CBX2: variants seen among roughly 807,000 people sequenced by gnomAD.
CBX2 encodes chromobox protein homolog 2.
A neutral mutation model predicts 21.0 loss-of-function variants in CBX2; 11 were observed. That is an observed-to-expected ratio of 0.52 (90% CI 0.33 to 0.87). CBX2 has a LOEUF of 0.87. CBX2 is among the 40% of genes least tolerant of loss of function. The pLI is 0.02. For synonymous variants in CBX2, 364 were observed against 304.6 expected (o/e 1.19, Z -2.03); for missense variants, 746 against 724.3 (o/e 1.03, Z -0.34).
In CBX2 at chr17:79,778,422, C is replaced by A. The variant is rs782673101; in HGVS notation, c.111C>A (p.Ser37=). 8 of 1,559,518 alleles carry A rather than the reference C, an allele frequency of 5.1e-6. No homozygotes were observed. In the African/African-American group the frequency reaches 9.8e-5, roughly 19 times the overall value. Residue 37 remains serine (S), a synonymous_variant, in exon 2 of 5, where the codon TCC becomes TCA. Transcript: ENST00000310942. This position sits in a 1 kb window ranked among gnomAD's most constrained non-coding sequence, Gnocchi z 4.8. ...ACCTGGTCAAGTGGCGCGGCTGGTC[C>A]TCCAAGTGAGTCCCCCGCGACGCCG... ...LEYLVKWRGW[S]SKHNSWEPEE... is the part of the protein sequence containing the mutation.
rs782485538 is a variant in CBX2 at position 79,784,211 on chromosome 17, C to T, written c.768C>T (p.Ile256=). Residue 256 remains isoleucine (I), a synonymous_variant, in exon 5 of 5, where the codon ATC becomes ATT. Coordinates refer to ENST00000310942, the MANE Select transcript of CBX2 (RefSeq NM_005189.3). The surrounding 1 kb of genome is among the most constrained non-coding windows in gnomAD (Gnocchi z 5.9). ...GTGGCATCAGCTGGCAGAGCTCCAT[C>T]GTGCACTACATGAACCGGATGACCC... is the stretch of plus-strand genomic sequence containing the variant. ...GRGGISWQSS[I]VHYMNRMTQS... 14 of 1,612,828 alleles carry T rather than the reference C, an allele frequency of 8.7e-6. No homozygotes were observed. The East Asian group carries it at 8.9e-5, about 10-fold the overall frequency.
At position 79,787,214 on chromosome 17, in the gene CBX2, C is replaced by T. The variant is rs1907698390; in HGVS notation, c.*2172C>T. On this transcript the variant is annotated 3_prime_UTR_variant, in exon 5 of 5. Coordinates refer to ENST00000310942, the MANE Select transcript of CBX2 (RefSeq NM_005189.3). ...GCTGAGCACTGTGCTACCTTCACTG[C>T]TCCAAAGCCAGACTAACAGCTCTCC... The T allele has an allele frequency of 6.6e-6, 1 of 152,474 alleles. No individual in the cohort carries two copies. The highest frequency in any genetic ancestry group is 2.1e-4 in the South Asian group (1 of 4,836). 9.4% of individuals were successfully genotyped at this position (152,474 alleles called of 1,614,324 possible).
At position 79,779,447 on chromosome 17, in the gene CBX2, TGGGGAGGGTGTG is replaced by T; in HGVS notation, c.182+29_182+40del. 1 of 1,534,298 alleles carries T rather than the reference TGGGGAGGGTGTG, an allele frequency of 6.5e-7. No individual in the cohort carries two copies. The highest frequency in any genetic ancestry group is 8.8e-7 in the Non-Finnish European group (1 of 1,141,826). ...GAAGAAGTGAGGACGCTGACAGCAC[TGGGGAGGGTGTG>T]GGGGAGGGACGGTGGCTGGTTGGAG... On this transcript the variant is annotated intron_variant, in intron 3 of 4. Transcript: ENST00000310942.
chr17:79,777,830 C>G (rs1213215940), upstream of CBX2, among the ~76,000 whole-genome samples: 1 of 151,414 alleles, frequency 6.6e-6, no homozygotes, highest in Admixed American at 6.6e-5. Context: ...CAAGGGCGGG[C>G]GCGCCCCGGG....
At chr17:79,781,639 A>G (rs185563278) in intron 3 of CBX2, 57 bp from the exon 4 acceptor site, 11 of 1,465,276 alleles carry the variant, frequency 7.5e-6, no homozygotes, top group East Asian at 2.3e-5. Context: ...AGAGTCCCAC[A>G]TGGTAGAAGG....
intron 2 of CBX2, among the ~76,000 whole-genome samples, chr17:79,779,031 A>G (rs1266007612): frequency 6.6e-6 from 1 of 152,050 alleles, no homozygotes; most frequent in African/African-American, 2.4e-5. Flanking sequence ...GCTCCGGGCC[A>G]GGGTTTGGGG....
rs782198883 is a variant in CBX2 at position 79,779,351 on chromosome 17, C to G, written c.117-11C>G. ...CTGGCGTCTAATGCTGCCCTGTCCT[C>G]TGCTTTGCAGACATAACAGCTGGGA... On this transcript the variant is annotated splice_polypyrimidine_tract_variant and intron_variant, in intron 2 of 4. Transcript: ENST00000310942. 6.2e-7 allele frequency: 1 copy of G among 1,613,400 alleles called. No individual in the cohort carries two copies. Among genetic ancestry groups the G allele is most frequent in the Non-Finnish European group, 8.5e-7 (1 of 1,179,832 alleles).
chr17:79,784,267 C>T lies in CBX2; in HGVS notation c.824C>T (p.Ala275Val), dbSNP rs145409683. 1.4e-5 allele frequency: 23 copies of T among 1,612,796 alleles called. No homozygotes were observed. Among genetic ancestry groups the T allele is most frequent in the Admixed American group, 3.3e-5 (2 of 60,008 alleles). The part of the protein sequence containing the change: ...QSQAQAASRL[A>V]LKAQATNKCG... ...CAGGCCCAGGCTGCCAGCAGGTTGG[C>T]GCTGAAGGCCCAGGCCACCAACAAG... is the stretch of plus-strand genomic sequence containing the variant. Residue 275 changes from alanine to valine, a missense_variant, in exon 5 of 5, where the codon GCG becomes GTG. Transcript: ENST00000310942. The surrounding 1 kb of genome is among the most constrained non-coding windows in gnomAD (Gnocchi z 5.9).
chr17:79,785,413 T>C lies in CBX2; in HGVS notation c.*371T>C. The stretch of plus-strand genomic sequence containing the variant: ...ACTGCTCCTCCCTGGCCTGCGTGAC[T>C]GAATCACAGCTTTGGTCCCTGTCTT... On this transcript the variant is annotated 3_prime_UTR_variant, in exon 5 of 5. Transcript: ENST00000310942. 3.1e-6 allele frequency: 1 copy of C among 317,788 alleles called. No individual in the cohort carries two copies. The highest frequency in any genetic ancestry group is 3.5e-5 in the South Asian group (1 of 28,340). 19.7% of individuals were successfully genotyped at this position (317,788 alleles called of 1,614,324 possible).
chr17:79,778,324 G>A lies in CBX2; in HGVS notation c.72+17G>A, dbSNP rs1405741271. ...CTCCGCAAGGTGCGTGCGGCCCGCC[G>A]GGCCCCCCGCCCGCCGCCCGCTGTC... On this transcript the variant is annotated intron_variant, in intron 1 of 4. Coordinates refer to ENST00000310942, the MANE Select transcript of CBX2 (RefSeq NM_005189.3). The surrounding 1 kb of genome is among the most constrained non-coding windows in gnomAD (Gnocchi z 4.8). The A allele has an allele frequency of 2.6e-6, 4 of 1,563,918 alleles. No homozygotes were observed. Among genetic ancestry groups the A allele is most frequent in the Middle Eastern group, 2.0e-4 (1 of 5,032 alleles).
At chr17:79,781,159 AGG>A (rs1210463752) in intron 3 of CBX2, among the ~76,000 whole-genome samples, 1 of 152,022 alleles carries the variant, frequency 6.6e-6, no homozygotes, top group African/African-American at 2.4e-5. Context: ...AGGAACAGAG[AGG>A]TATTTTTAAA....
At position 79,786,377 on chromosome 17, in the gene CBX2, C is replaced by T. The variant is rs1380981362; in HGVS notation, c.*1335C>T. On this transcript the variant is annotated 3_prime_UTR_variant, in exon 5 of 5. Coordinates refer to ENST00000310942, the MANE Select transcript of CBX2 (RefSeq NM_005189.3). ...TCCAGCTGAAAAACTAGACCTGTGC[C>T]ATTGGGGAAGCTGGACAAAGTCTAG... 3 of 152,680 alleles carry T rather than the reference C, an allele frequency of 2.0e-5. No individual in the cohort carries two copies. The highest frequency in any genetic ancestry group is 4.8e-5 in the African/African-American group (2 of 41,438). The allele number at this position is 152,680 out of a possible 1,614,324, so 9.5% of individuals were successfully genotyped here. A position where few individuals can be genotyped will look rare whatever the true frequency, so the allele number is the denominator to read the frequency against.
chr17:79,780,189 C>T (rs1415486818), intron 3 of CBX2, among the ~76,000 whole-genome samples: 4 of 152,202 alleles, frequency 2.6e-5, no homozygotes, highest in African/African-American at 9.7e-5. Context: ...GACGGCTCCC[C>T]CTGGATCCCC....
rs1328886893 is a variant in CBX2 at position 79,778,853 on chromosome 17, C to T, written c.116+426C>T. On this transcript the variant is annotated intron_variant, in intron 2 of 4. Coordinates refer to ENST00000310942, the MANE Select transcript of CBX2 (RefSeq NM_005189.3). This position sits in a 1 kb window ranked among gnomAD's most constrained non-coding sequence, Gnocchi z 4.8. ...GGGTGTTTGGCATCCCCGGAAGGGG[C>T]TCTCTGCACAGCTGCTCCCGCGGCC... is the stretch of plus-strand genomic sequence containing the variant. Among the ~76,000 whole-genome samples the T allele has an allele frequency of 6.6e-6, 1 of 152,056 alleles. No individual in the cohort carries two copies. The highest frequency in any genetic ancestry group is 1.5e-5 in the Non-Finnish European group (1 of 67,996).
At chr17:79,782,838 G>A (rs1212524639) in intron 4 of CBX2, among the ~76,000 whole-genome samples, 12 of 152,146 alleles carry the variant, frequency 7.9e-5, no homozygotes, top group Admixed American at 2.6e-4. Flanking sequence ...TAAAGCACAC[G>A]CTGTAGAATT....
Position 79,784,004 on chromosome 17 carries a change from G to A in CBX2, c.561G>A (p.Lys187=). Residue 187 remains lysine (K), a synonymous_variant, in exon 5 of 5, where the codon AAG becomes AAA. Coordinates refer to ENST00000310942, the MANE Select transcript of CBX2 (RefSeq NM_005189.3). The surrounding 1 kb of genome is among the most constrained non-coding windows in gnomAD (Gnocchi z 5.9). ...RRPVSLAKVL[K]TARKDLGAPA... is the part of the protein sequence containing the mutation. Reference sequence around the variant, plus strand: ...CCGTGAGCCTGGCCAAGGTGCTGAAGACCGCCCGGAAGGATCTGGGGGCCC... The same window carrying A: ...CCGTGAGCCTGGCCAAGGTGCTGAAAACCGCCCGGAAGGATCTGGGGGCCC... 1 of 1,613,396 alleles carries A rather than the reference G, an allele frequency of 6.2e-7. No homozygotes were observed. The highest frequency in any genetic ancestry group is 2.2e-5 in the East Asian group (1 of 44,870).
intron 4 of CBX2, among the ~76,000 whole-genome samples, chr17:79,782,889 A>ACAC (rs1907337899): frequency 6.6e-6 from 1 of 152,144 alleles, no homozygotes; most frequent in Non-Finnish European, 1.5e-5. Context: ...AAACACAAGG[A>ACAC]CACTCTTATT....
chr17:79,783,217 TTCTC>T (rs1428716353), intron 4 of CBX2, among the ~76,000 whole-genome samples: 16 of 152,156 alleles, frequency 1.1e-4, no homozygotes, highest in African/African-American at 3.9e-4. Flanking sequence ...CCACCTATTT[TTCTC>T]TCTATCTACC....
At chr17:79,781,586 A>G in intron 3 of CBX2, 110 bp from the exon 4 acceptor site, 1 of 930,852 alleles carries the variant, frequency 1.1e-6, no homozygotes, top group African/African-American at 1.6e-5. Context: ...GGCAAACAGG[A>G]TAAGCTATTA....
Sources: allele counts gnomAD v4.1 joint callset (sites outside exome capture counted in the v4.1 genomes callset), GRCh38; gene constraint gnomAD v4.1.1; non-coding constraint Gnocchi (gnomAD v3.1); transcripts MANE v1.5; gene names NCBI Gene and HGNC (gene_info 2026-07-23, HGNC 2026-07-21).